SMARCA2: variants seen among roughly 807,000 people sequenced by gnomAD.
SMARCA2 encodes the protein SWI/SNF-related matrix-associated actin-dependent regulator of chromatin subfamily A member 2.
SMARCA2 carries 61 observed loss-of-function variants against 199.8 expected under a neutral mutation model. The observed-to-expected ratio is 0.31, with a 90% CI of 0.25 to 0.38. The LOEUF (loss-of-function observed/expected upper bound fraction) is 0.38, where lower values mean the gene tolerates loss of function less well. Ranked by LOEUF, SMARCA2 falls within the 10% of genes least tolerant of loss-of-function variation. The probability of loss-of-function intolerance (pLI) is 1.00; values close to 1 mark genes in which losing one functional copy is unlikely to be tolerated. For missense variants in SMARCA2, 1,344 were observed against 2,012.2 expected (o/e 0.67, Z 6.35); for synonymous variants, 935 against 732.0 (o/e 1.28, Z -4.48).
chr9:2,028,272 G>T (rs925719112), intron 1 of SMARCA2, among the ~76,000 whole-genome samples: 4 of 152,226 alleles, frequency 2.6e-5, no homozygotes, highest in Non-Finnish European at 4.4e-5. Flanking sequence ...TTCTGGTAGG[G>T]TGGAGTTGGT....
chr9:2,068,969 T>G (rs1820964444), intron 9 of SMARCA2: 1 of 151,502 alleles, frequency 6.6e-6, no homozygotes, highest in Non-Finnish European at 1.5e-5. Flanking sequence ...CAGGCTGGAG[T>G]GCACTGGCAC....
At chr9:2,034,649 A>C (rs1199643731) in intron 3 of SMARCA2, among the ~76,000 whole-genome samples, 1 of 152,202 alleles carries the variant, frequency 6.6e-6, no homozygotes, top group Non-Finnish European at 1.5e-5. Context: ...CTATCCATCC[A>C]CTCGAGGGAA....
At chr9:2,171,435 G>T in intron 29 of SMARCA2, among the ~76,000 whole-genome samples, 1 of 152,154 alleles carries the variant, frequency 6.6e-6, no homozygotes, top group South Asian at 2.1e-4. Flanking sequence ...CTTTATATAA[G>T]GAGATTAAAA....
chr9:2,033,957 C>G (rs1819195338), intron 3 of SMARCA2, among the ~76,000 whole-genome samples: 1 of 152,056 alleles, frequency 6.6e-6, no homozygotes, highest in African/African-American at 2.4e-5. Flanking sequence ...TACAAAAATA[C>G]TGTTTCAGGC....
intron 2 of SMARCA2, among the ~76,000 whole-genome samples, 157 bp downstream of exon 2, chr9:2,029,404 G>A (rs928523563): frequency 2.0e-5 from 3 of 152,196 alleles, no homozygotes; most frequent in African/African-American, 7.2e-5. Flanking sequence ...ATATTGTGAG[G>A]TACTTTTATT....
intron 21 of SMARCA2, among the ~76,000 whole-genome samples, chr9:2,099,494 C>T (rs1465170772): frequency 6.6e-6 from 1 of 152,018 alleles, no homozygotes; most frequent in Non-Finnish European, 1.5e-5. Context: ...CCTCCAGCTT[C>T]AGTTTGGAGG....
At chr9:2,073,757 G>C (rs546128316) in intron 12 of SMARCA2, 134 bp downstream of exon 12, 3 of 664,580 alleles carry the variant, frequency 4.5e-6, no homozygotes, top group East Asian at 2.7e-5. Context: ...GTGACAGCTG[G>C]GGCTAAGGAT....
At chr9:2,159,800 T>G in intron 27 of SMARCA2, 1 of 1,606,742 alleles carries the variant, frequency 6.2e-7, no homozygotes, top group Non-Finnish European at 8.5e-7. Flanking sequence ...AGCTCTCTTT[T>G]TTTTCCTGAT....
chr9:2,032,929 C>G lies in SMARCA2; in HGVS notation c.226-23C>G, dbSNP rs1340841750. 3 of 1,609,632 alleles carry G rather than the reference C, an allele frequency of 1.9e-6. No homozygotes were observed. The Admixed American group carries it at 5.0e-5, about 27-fold the overall frequency. ...TATTTTACCTTATAGAGGTGTCTAA[C>G]TAATGTCCTTTAAATGTTTCAGCCC... On this transcript the variant is annotated intron_variant, in intron 2 of 33. Coordinates refer to ENST00000349721, the MANE Select transcript of SMARCA2 (RefSeq NM_003070.5).
At chr9:2,121,487 G>T (rs1181613548) in intron 26 of SMARCA2, among the ~76,000 whole-genome samples, 3 of 152,274 alleles carry the variant, frequency 2.0e-5, no homozygotes, top group South Asian at 2.1e-4. Flanking sequence ...ACCTCCACTT[G>T]GGGGCAGGAA....
intron 27 of SMARCA2, chr9:2,158,113 A>ATTTTC (rs1421790580): frequency 3.2e-6 from 1 of 313,948 alleles, no homozygotes; most frequent in African/African-American, 2.2e-5. Context: ...CATGAAAAAC[A>ATTTTC]TTTTCTTTTA....
intron 9 of SMARCA2, among the ~76,000 whole-genome samples, chr9:2,065,078 A>G (rs1445758880): frequency 2.6e-5 from 4 of 152,134 alleles, no homozygotes; most frequent in East Asian, 1.9e-4. Context: ...CCAGCTACTC[A>G]GGAGGCTGAG....
intron 27 of SMARCA2, chr9:2,160,929 T>G (rs1376795019): frequency 3.5e-6 from 1 of 288,678 alleles, no homozygotes; most frequent in Admixed American, 4.8e-5. Flanking sequence ...CATGGATCTT[T>G]TAGCCCTTTA....
chr9:2,070,603 A>G, intron 10 of SMARCA2, 132 bp downstream of exon 10: 1 of 641,440 alleles, frequency 1.6e-6, no homozygotes, highest in Non-Finnish European at 2.7e-6. Context: ...GTAATACATT[A>G]GCATAGTAGA....
At chr9:2,073,538 C>A in intron 11 of SMARCA2, 28 bp from the exon 12 acceptor site, 1 of 1,591,228 alleles carries the variant, frequency 6.3e-7, no homozygotes, top group Non-Finnish European at 8.6e-7. Context: ...AACTAAGCCC[C>A]CTCCTCTTCC....
chr9:2,069,380 C>A (rs1215883379), intron 9 of SMARCA2, among the ~76,000 whole-genome samples: 1 of 151,096 alleles, frequency 6.6e-6, no homozygotes, highest in Non-Finnish European at 1.5e-5. Flanking sequence ...CACGGTGAAA[C>A]CCCGTCTCCA....
intron 10 of SMARCA2, 174 bp from the exon 11 acceptor site, chr9:2,073,038 T>G (rs1821158834): frequency 1.5e-6 from 1 of 661,516 alleles, no homozygotes; most frequent in African/African-American, 1.8e-5. Context: ...ATTTTCAGTT[T>G]CTTTAGTGGG....
At chr9:2,102,863 C>G (rs1287585452) in intron 22 of SMARCA2, among the ~76,000 whole-genome samples, 3 of 151,978 alleles carry the variant, frequency 2.0e-5, no homozygotes, top group Non-Finnish European at 1.5e-5. Context: ...CAGTATAGCT[C>G]ATAGAGCCCT....
chr9:2,101,848 C>G (rs1822530607), intron 22 of SMARCA2, among the ~76,000 whole-genome samples: 1 of 152,148 alleles, frequency 6.6e-6, no homozygotes, highest in South Asian at 2.1e-4. Flanking sequence ...ATTTAATAGA[C>G]TTAATAGTAT....
Sources: gnomAD v4.1 joint callset for allele counts (sites outside exome capture counted in the v4.1 genomes callset) on GRCh38, gnomAD v4.1.1 for gene constraint, MANE v1.5 for transcripts, NCBI Gene and HGNC (gene_info 2026-07-23, HGNC 2026-07-21) for gene names.